Variants in TTN observed in about 807,000 individuals in gnomAD.
The protein encoded by TTN is connectin.
TTN carries 1,525 observed loss-of-function variants against 3,223.0 expected under a neutral mutation model. That is an observed-to-expected ratio of 0.47 (90% confidence interval 0.45 to 0.49). The LOEUF is 0.49. Ranked by LOEUF, TTN falls within the 20% of genes least tolerant of loss-of-function variation. TTN has a pLI of 0.00. For synonymous variants in TTN, 14,094 were observed against 15,161.0 expected, an observed-to-expected ratio of 0.93 and a Z score of 5.17; for missense variants, 40,786 against 43,424.0, an observed-to-expected ratio of 0.94 and a Z score of 5.40.
In TTN at chr2:178,731,544, G is replaced by C. The variant is rs794729614; in HGVS notation, c.17222C>G (p.Ser5741Cys). Residue 5741 changes from serine (S) to cysteine (C), a missense_variant, in exon 59 of 363, where the codon TCC becomes TGC. Physicochemically the swap from Ser to Cys is moderately radical, Grantham distance 112. Coordinates refer to ENST00000589042, the MANE Select transcript of TTN (RefSeq NM_001267550.2). ...GAAGGCAGCTGTGCCTCCCCGGAGG[G>C]AGCTGGTACTCTCGATCTTCTTTAT... ...SFIKKIESTS[S>C]LRGGTAAFQA... 3 of 1,611,216 alleles carry C rather than the reference G, an allele frequency of 1.9e-6. No individual in the cohort carries two copies. The highest frequency in any genetic ancestry group is 2.5e-6 in the Non-Finnish European group (3 of 1,178,254).
In TTN at chr2:178,649,281, C is replaced by G; in HGVS notation, c.40024G>C (p.Val13342Leu). The stretch of plus-strand genomic sequence containing the variant: ...GGAAGAACTTCTGGTTTTTTGGTAA[C>G]AGGCACAGGTTCTTTCTTTACTGGA... ...LVPVKKEPVP[V>L]TKKPEVLPEK... Residue 13342 changes from valine (V) to leucine (L), a missense_variant, in exon 213 of 363, where the codon GTT becomes CTT. Physicochemically the swap from Val to Leu is conservative, Grantham distance 32 (BLOSUM62 1). Transcript: ENST00000589042. The G allele has an allele frequency of 6.7e-7, 1 of 1,496,072 alleles. No homozygotes were observed. Among genetic ancestry groups the G allele is most frequent in the Non-Finnish European group, 8.9e-7 (1 of 1,128,606 alleles). 92.7% of individuals were successfully genotyped at this position (1,496,072 alleles called of 1,614,324 possible). A position where few individuals can be genotyped will look rare whatever the true frequency, so the allele number is the denominator to read the frequency against.
intron 139 of TTN, 83 bp from the exon 140 acceptor site, chr2:178,680,138 A>G: frequency 6.3e-7 from 1 of 1,583,918 alleles, no homozygotes; most frequent in Non-Finnish European, 8.6e-7. Flanking sequence ...GCCCATTTAT[A>G]ACAGAAGAAA....
intron 208 of TTN, among the ~76,000 whole-genome samples, 168 bp from the exon 209 acceptor site, chr2:178,651,002 T>A (rs1252094382): frequency 6.6e-6 from 1 of 152,096 alleles, no homozygotes; most frequent in Admixed American, 6.6e-5. Context: ...GGGAGGAAAA[T>A]ATGGCCTATT....
intron 6 of TTN, among the ~76,000 whole-genome samples, chr2:178,797,824 C>T (rs1399570125): frequency 6.6e-6 from 1 of 151,990 alleles, no homozygotes; most frequent in Non-Finnish European, 1.5e-5. Context: ...GAATCTGTAA[C>T]TGTCTTTTTA....
Position 178,530,985 on chromosome 2 carries a change from T to G in TTN, c.105630A>C (p.Gln35210His), listed in dbSNP as rs397517798. 1 of 1,614,036 alleles carries G rather than the reference T, an allele frequency of 6.2e-7. No individual in the cohort carries two copies. The highest frequency in any genetic ancestry group is 1.3e-5 in the African/African-American group (1 of 75,052). Residue 35210 changes from glutamine to histidine, a missense_variant, in exon 358 of 363, where the codon CAA becomes CAC. Transcript: ENST00000589042. ...GAATAGTCAGAGTGAACTCTGCTTC[T>G]TGTTTCCCTTCACTGTTTTCTACCA... The part of the protein sequence containing the change: ...SVVVENSEGK[Q>H]EAEFTLTIQK...
At chr2:178,774,808 G>C (rs879588408) in intron 29 of TTN, 113 bp downstream of exon 29, 85 of 1,238,624 alleles carry the variant, frequency 6.9e-5, no homozygotes, top group Admixed American at 4.7e-4. Context: ...GAAACTTATA[G>C]TCAATTTCCA....
Position 178,756,247 on chromosome 2 carries a change from CGTT to C in TTN, c.11226_11228del (p.Thr3743del), listed in dbSNP as rs2086893167. On this transcript the variant is annotated inframe_deletion, in exon 46 of 363. Transcript: ENST00000589042. ...CACCTTCTACACTTAGTACTGCTGA[CGTT>C]GTCCTCTCTCCACAGTCATTGTGTA... The C allele has an allele frequency of 6.2e-6, 10 of 1,612,054 alleles. No individual in the cohort carries two copies. The South Asian group carries it at 6.6e-5, about 11-fold the overall frequency.
chr2:178,600,743 C>T, intron 288 of TTN, 111 bp downstream of exon 288: 1 of 1,293,704 alleles, frequency 7.7e-7, no homozygotes, highest in Non-Finnish European at 1.1e-6. Flanking sequence ...ACATTCAAGC[C>T]ATAGTAGCTT....
chr2:178,576,077 C>T lies in TTN; in HGVS notation c.70055G>A (p.Arg23352Lys), dbSNP rs555933077. 9 of 1,613,490 alleles carry T rather than the reference C, an allele frequency of 5.6e-6. 1 individual carries two copies. The South Asian group carries it at 9.9e-5, about 18-fold the overall frequency. The change falls in exon 326 of 363, where the codon AGA becomes AAA. Residue 23352 changes from arginine to lysine, a missense_variant. Physicochemically the swap from Arg to Lys is conservative, Grantham distance 26. Transcript: ENST00000589042. This position sits in a 1 kb window ranked among gnomAD's most constrained non-coding sequence, Gnocchi z 4.3. ...GAGTCCTGCTCTAACAACAAGTGTT[C>T]TTCGAAGCTCGGCATCTAGTTCAAA... ...PDFELDAELR[R>K]TLVVRAGLSI...
chr2:178,600,796 G>A lies in TTN; in HGVS notation c.56050+58C>T, dbSNP rs769721182. On this transcript the variant is annotated intron_variant, in intron 288 of 362. Transcript: ENST00000589042. Reference sequence around the variant, plus strand: ...GCTCTTTTAATTGTGAACTATTATTGAACACCTAGGAAGGCAGCTGTAAGG... The same window carrying A: ...GCTCTTTTAATTGTGAACTATTATTAAACACCTAGGAAGGCAGCTGTAAGG... 16 of 1,595,326 alleles carry A rather than the reference G, an allele frequency of 1.0e-5. No homozygotes were observed. In the South Asian group the frequency reaches 1.8e-4, roughly 18 times the overall value.
chr2:178,747,023 G>A (rs1486628659), intron 47 of TTN: 1 of 1,613,370 alleles, frequency 6.2e-7, no homozygotes. Flanking sequence ...AGTACCAGTG[G>A]GGTTTGGTCC....
chr2:178,672,726 A>G (rs2067236578), intron 152 of TTN, 23 bp from the exon 153 acceptor site: 1 of 1,564,922 alleles, frequency 6.4e-7, no homozygotes, highest in African/African-American at 1.4e-5. Flanking sequence ...TAGGTGTTTT[A>G]GTTAGCTGAG....
At chr2:178,786,202 C>T (rs2093167266) in intron 13 of TTN, 61 bp from the exon 14 acceptor site, 1 of 1,582,184 alleles carries the variant, frequency 6.3e-7, no homozygotes, top group Non-Finnish European at 8.6e-7. Context: ...GGAATATCTC[C>T]TGGGCATCAG....
chr2:178,625,304 A>G lies in TTN; in HGVS notation c.44517T>C (p.Asp14839=), dbSNP rs1025034041. 3 of 1,608,070 alleles carry G rather than the reference A, an allele frequency of 1.9e-6. No homozygotes were observed. In the East Asian group the frequency reaches 6.7e-5, roughly 36 times the overall value. Residue 14839 remains aspartate, a synonymous_variant, in exon 241 of 363, where the codon GAT becomes GAC. Transcript: ENST00000589042. ...DAGEVQLTAK[D]FKTHANLFVK... Reference sequence around the variant, plus strand: ...CAAAGAGGTTGGCGTGAGTTTTGAAATCTTTTGCTGTTAGTTGGACTTCCC... The same window carrying G: ...CAAAGAGGTTGGCGTGAGTTTTGAAGTCTTTTGCTGTTAGTTGGACTTCCC...
In TTN at chr2:178,746,888, T is replaced by C. The variant is rs571991055; in HGVS notation, c.11312-4967A>G. On this transcript the variant is annotated intron_variant, in intron 47 of 362. Transcript: ENST00000589042. Reference sequence around the variant, plus strand: ...ATTGTCTTTTGGCTCAATGGCTTCATTGGGTGTACCAAATGAATCGGAACG... The same window carrying C: ...ATTGTCTTTTGGCTCAATGGCTTCACTGGGTGTACCAAATGAATCGGAACG... 5 of 1,613,532 alleles carry C rather than the reference T, an allele frequency of 3.1e-6. No individual in the cohort carries two copies. The African/African-American group carries it at 5.3e-5, about 17-fold the overall frequency.
chr2:178,719,798 C>A lies in TTN; in HGVS notation c.23694G>T (p.Met7898Ile). Reference protein sequence around the residue: ...PARIIEKPEPMTVTTGNPFAL... With the variant: ...PARIIEKPEPITVTTGNPFAL... ...CAAAAGGATTTCCAGTAGTGACAGT[C>A]ATGGGTTCGGGCTTCTCTATGATTC... is the stretch of plus-strand genomic sequence containing the variant. The change falls in exon 82 of 363, where the codon ATG (methionine) becomes ATT (isoleucine). Residue 7898 changes from methionine (M) to isoleucine (I), a missense_variant. Physicochemically the swap from Met to Ile is conservative, Grantham distance 10. Coordinates refer to ENST00000589042, the MANE Select transcript of TTN (RefSeq NM_001267550.2). The A allele has an allele frequency of 6.2e-7, 1 of 1,612,998 alleles. No individual in the cohort carries two copies. The highest frequency in any genetic ancestry group is 8.5e-7 in the Non-Finnish European group (1 of 1,179,188).
rs377754692 is a variant in TTN at position 178,733,755 on chromosome 2, C to T, written c.15634G>A (p.Gly5212Arg). ...MKGQEVIRED[G>R]KIKMSFSNGV... Reference sequence around the variant, plus strand: ...TTGGAAAAGCTCATTTTGATTTTTCCGTCTTCTCTGATGACCTCTTGACCT... The same window carrying T: ...TTGGAAAAGCTCATTTTGATTTTTCTGTCTTCTCTGATGACCTCTTGACCT... Residue 5212 changes from glycine (G) to arginine (R), a missense_variant, in exon 53 of 363, where the codon GGA (glycine) becomes AGA (arginine). By Grantham distance (125) the Gly-to-Arg change is moderately radical. Transcript: ENST00000589042. 30 of 1,613,652 alleles carry T rather than the reference C, an allele frequency of 1.9e-5. No homozygotes were observed. Among genetic ancestry groups the T allele is most frequent in the Admixed American group, 8.3e-5 (5 of 59,984 alleles).
At chr2:178,637,863 C>T (rs1486688799) in intron 223 of TTN, among the ~76,000 whole-genome samples, 1 of 151,932 alleles carries the variant, frequency 6.6e-6, no homozygotes, top group African/African-American at 2.4e-5. Flanking sequence ...CTAAATTGGG[C>T]AGACAAACAA....
At position 178,595,691 on chromosome 2, in the gene TTN, A is replaced by G; in HGVS notation, c.57663T>C (p.Ile19221=). Residue 19221 remains isoleucine (I), a synonymous_variant, in exon 295 of 363, where the codon ATT becomes ATC. Transcript: ENST00000589042. The stretch of plus-strand genomic sequence containing the variant: ...CTCTGCGGTCAGATTCACGCTTTTC[A>G]ATGACATAATTGGTGATTGGAGAGC... The part of the protein sequence containing the change: ...DGGSPITNYV[I]EKRESDRRAW... 2.5e-6 allele frequency: 4 copies of G among 1,608,874 alleles called. No individual in the cohort carries two copies. The highest frequency in any genetic ancestry group is 3.4e-6 in the Non-Finnish European group (4 of 1,177,670).
Sources: gnomAD v4.1 joint callset for allele counts (sites outside exome capture counted in the v4.1 genomes callset) on GRCh38, gnomAD v4.1.1 for gene constraint, Gnocchi (gnomAD v3.1) non-coding constraint, MANE v1.5 for transcripts, NCBI Gene and HGNC (gene_info 2026-07-23, HGNC 2026-07-21) for gene names.